Variants in MON2 observed in about 807,000 individuals in gnomAD.
MON2 encodes the protein MON2 regulator of endosome-to-Golgi trafficking.
A neutral mutation model predicts 208.6 loss-of-function variants in MON2; 84 were observed. The observed-to-expected ratio is 0.40, with a 90% confidence interval of 0.34 to 0.48. The LOEUF is 0.48. Among genes scored for constraint, MON2 ranks in the 20% least tolerant of loss-of-function variants. The probability of loss-of-function intolerance (pLI) is 0.59; values close to 1 mark genes in which losing one functional copy is unlikely to be tolerated. For missense variants in MON2, 1,611 were observed against 2,015.4 expected (o/e 0.80, Z 3.84); for synonymous variants, 660 against 694.0 (o/e 0.95, Z 0.77).
chr12:62,513,272 C>G (rs2071505418), intron 8 of MON2, among the ~76,000 whole-genome samples: 1 of 152,146 alleles, frequency 6.6e-6, no homozygotes. Flanking sequence ...GTATCCCAGG[C>G]TGGAGTGCAG....
At chr12:62,584,008 C>T (rs1234408372) in intron 32 of MON2, among the ~76,000 whole-genome samples, 3 of 148,258 alleles carry the variant, frequency 2.0e-5, no homozygotes, top group East Asian at 2.0e-4. Flanking sequence ...AATTCTCAGA[C>T]GCAGTATTGG....
intron 32 of MON2, among the ~76,000 whole-genome samples, chr12:62,582,088 C>A (rs2075026211): frequency 6.6e-6 from 1 of 152,012 alleles, no homozygotes; most frequent in Non-Finnish European, 1.5e-5. Context: ...AAATTTTAAA[C>A]CCCGCTTATC....
chr12:62,479,770 ATCT>A (rs2069301099), intron 1 of MON2, among the ~76,000 whole-genome samples: 2 of 152,086 alleles, frequency 1.3e-5, no homozygotes, highest in South Asian at 4.1e-4. Flanking sequence ...AACTTTTTTC[ATCT>A]TCTTTTCTTC....
Position 62,553,041 on chromosome 12 carries a change from A to T in MON2, c.3077A>T (p.Tyr1026Phe). 6.2e-7 allele frequency: 1 copy of T among 1,614,150 alleles called. No homozygotes were observed. The highest frequency in any genetic ancestry group is 8.5e-7 in the Non-Finnish European group (1 of 1,180,008). Residue 1026 changes from tyrosine (Y) to phenylalanine (F), a missense_variant, in exon 24 of 35, where the codon TAT becomes TTT. Coordinates refer to ENST00000393630, the MANE Select transcript of MON2 (RefSeq NM_015026.3). ...PPFDCLWLCLYAKLGELCVDP... is the reference protein window; with the variant it reads ...PPFDCLWLCLFAKLGELCVDP... Reference sequence around the variant, plus strand: ...TTTGATTGCTTGTGGTTATGTCTTTATGCAAAATTGGGTGAACTATGTGTG... The same window carrying T: ...TTTGATTGCTTGTGGTTATGTCTTTTTGCAAAATTGGGTGAACTATGTGTG...
rs1283917945 is a variant in MON2, at chr12:62,599,711, A to C, written c.*6962A>C. 6.6e-6 allele frequency: 1 copy of C among 152,208 alleles called. No homozygotes were observed. Among genetic ancestry groups the C allele is most frequent in the Non-Finnish European group, 1.5e-5 (1 of 68,030 alleles). 9.4% of individuals were successfully genotyped at this position (152,208 alleles called of 1,614,324 possible). On this transcript the variant is annotated 3_prime_UTR_variant, in exon 35 of 35. Coordinates refer to ENST00000393630, the MANE Select transcript of MON2 (RefSeq NM_015026.3). ...GATCACTATGTCTTGCTTTTTCAAAAGCAGTTCTTTCTACTACAGTACAAT... is the reference window on the plus strand; with the variant it reads ...GATCACTATGTCTTGCTTTTTCAAACGCAGTTCTTTCTACTACAGTACAAT...
intron 1 of MON2, among the ~76,000 whole-genome samples, chr12:62,478,719 G>C (rs930350506): frequency 2.0e-5 from 3 of 152,174 alleles, no homozygotes; most frequent in South Asian, 2.1e-4. Context: ...TTACACTACT[G>C]TACTAAATTT....
At chr12:62,481,641 C>CA (rs2069447873) in intron 1 of MON2, among the ~76,000 whole-genome samples, 1 of 152,104 alleles carries the variant, frequency 6.6e-6, no homozygotes, top group Non-Finnish European at 1.5e-5. Context: ...ATACACTGCC[C>CA]AAGTAATCAG....
chr12:62,508,559 A>G (rs748941871), intron 8 of MON2, 79 bp downstream of exon 8: 2 of 1,343,318 alleles, frequency 1.5e-6, no homozygotes, highest in Non-Finnish European at 2.1e-6. Flanking sequence ...GTTGTAGCGC[A>G]TTTAGTTTTT....
chr12:62,553,340 G>A (rs2073828985), intron 24 of MON2, 166 bp downstream of exon 24: 1 of 586,078 alleles, frequency 1.7e-6, no homozygotes, highest in African/African-American at 1.9e-5. Context: ...ACCTCATAAA[G>A]AGCAAATTAA....
intron 32 of MON2, among the ~76,000 whole-genome samples, chr12:62,580,976 G>C (rs2074981961): frequency 6.6e-6 from 1 of 152,098 alleles, no homozygotes; most frequent in Non-Finnish European, 1.5e-5. Context: ...CATTTACTCA[G>C]TGCCAACTAT....
intron 34 of MON2, 104 bp downstream of exon 34, chr12:62,588,260 T>C: frequency 2.8e-6 from 2 of 724,322 alleles, no homozygotes; most frequent in East Asian, 3.0e-5. Context: ...ATAGCAGTCA[T>C]TAGACTTCTT....
Position 62,553,083 on chromosome 12 carries a change from T to C in MON2, c.3119T>C (p.Val1040Ala), listed in dbSNP as rs1175341118. The change falls in exon 24 of 35, where the codon GTC becomes GCC. Residue 1040 changes from valine (V) to alanine (A), a missense_variant. Transcript: ENST00000393630. ...GELCVDPRPA[V>A]RKSAGQTLFS... ...CTATGTGTGGATCCCCGTCCTGCTG[T>C]CAGGAAGAGTGCAGGGCAAACTCTG... 1.2e-6 allele frequency: 2 copies of C among 1,614,150 alleles called. No individual in the cohort carries two copies. The highest frequency in any genetic ancestry group is 1.7e-5 in the Admixed American group (1 of 60,026).
In MON2 at chr12:62,595,944, A is replaced by T. The variant is rs1279160138; in HGVS notation, c.*3195A>T. 6.6e-6 allele frequency: 1 copy of T among 152,248 alleles called. No individual in the cohort carries two copies. The highest frequency in any genetic ancestry group is 2.4e-5 in the African/African-American group (1 of 41,454). The allele number at this position is 152,248 out of a possible 1,614,324, so 9.4% of individuals were successfully genotyped here. A position where few individuals can be genotyped will look rare whatever the true frequency, so the allele number is the denominator to read the frequency against. On this transcript the variant is annotated 3_prime_UTR_variant, in exon 35 of 35. Transcript: ENST00000393630. Reference sequence around the variant, plus strand: ...ATTTGTATGTATCATCAGAAGAAAGAGATGAACAATTTAGTGTAGATATTT... The same window carrying T: ...ATTTGTATGTATCATCAGAAGAAAGTGATGAACAATTTAGTGTAGATATTT...
intron 8 of MON2, among the ~76,000 whole-genome samples, chr12:62,519,675 A>AT (rs1035384717): frequency 5.9e-5 from 9 of 152,094 alleles, no homozygotes; most frequent in African/African-American, 9.6e-5. Flanking sequence ...TTCTGTTGTG[A>AT]TTTTTTTTGG....
intron 21 of MON2, chr12:62,545,636 T>G (rs2073450374): frequency 6.6e-6 from 1 of 152,114 alleles, no homozygotes. Flanking sequence ...GGGGCTGTGC[T>G]CATCTCTGTA....
In MON2 at chr12:62,594,302, T is replaced by C. The variant is rs1008429721; in HGVS notation, c.*1553T>C. 2 of 152,182 alleles carry C rather than the reference T, an allele frequency of 1.3e-5. No homozygotes were observed. The highest frequency in any genetic ancestry group is 6.5e-5 in the Admixed American group (1 of 15,280). 9.4% of individuals were successfully genotyped at this position (152,182 alleles called of 1,614,324 possible). On this transcript the variant is annotated 3_prime_UTR_variant, in exon 35 of 35. Coordinates refer to ENST00000393630, the MANE Select transcript of MON2 (RefSeq NM_015026.3). ...TGATTGAGATACAGTTTTGAGGCTA[T>C]TATAATTGTATAATTATTTAATTTG...
chr12:62,526,132 A>G, intron 11 of MON2, 30 bp downstream of exon 11: 1 of 1,600,436 alleles, frequency 6.2e-7, no homozygotes, highest in Non-Finnish European at 8.6e-7. Context: ...TTTTATAAGG[A>G]ATGATGTTGT....
At chr12:62,471,151 A>G (rs11174495) in intron 1 of MON2, among the ~76,000 whole-genome samples, 18,265 of 152,164 alleles carry the variant, frequency 0.12, 1,385 homozygotes, top group Middle Eastern at 0.26. Flanking sequence ...GAGAAGAAAT[A>G]AAAGAGGAGG....
chr12:62,522,769 C>G (rs1213310826), intron 8 of MON2, among the ~76,000 whole-genome samples: 1 of 152,162 alleles, frequency 6.6e-6, no homozygotes, highest in Non-Finnish European at 1.5e-5. Context: ...TCAGTGCTCT[C>G]AACACTAGTT....
Sources: allele counts gnomAD v4.1 joint callset (sites outside exome capture counted in the v4.1 genomes callset), GRCh38; gene constraint gnomAD v4.1.1; transcripts MANE v1.5; gene names NCBI Gene and HGNC (gene_info 2026-07-23, HGNC 2026-07-21).